Variants in ALPK2 observed in about 807,000 individuals in gnomAD.
ALPK2 encodes alpha-protein kinase 2.
ALPK2 carries 127 observed loss-of-function variants against 163.1 expected under a neutral mutation model. The observed-to-expected ratio is 0.78, with a 90% CI of 0.67 to 0.90. ALPK2 has a LOEUF of 0.90. Ranked by LOEUF, ALPK2 falls within the 40% of genes least tolerant of loss-of-function variation. The pLI, the probability that ALPK2 is intolerant of heterozygous loss-of-function variation, is 0.00. For missense variants in ALPK2, 2,360 were observed against 2,589.6 expected (o/e 0.91, Z 1.92); for synonymous variants, 953 against 959.1 (o/e 0.99, Z 0.12).
In ALPK2 at chr18:58,549,376, G is replaced by T. The variant is rs188236600; in HGVS notation, c.1963-11152C>A. Among the ~76,000 whole-genome samples the T allele has an allele frequency of 4.5e-3, 684 of 152,316 alleles. 4 individuals carry two copies. The highest frequency in any genetic ancestry group is 0.015 in the African/African-American group (631 of 41,580). ...TGCAGATTACACCAGAAATTCAGGG[G>T]CCCCTTTGGATGGATCCATCGAAAC... On this transcript the variant is annotated intron_variant, in intron 4 of 12. Coordinates refer to ENST00000361673, the MANE Select transcript of ALPK2 (RefSeq NM_052947.4).
At chr18:58,607,750 G>A (rs1425338014) in intron 2 of ALPK2, among the ~76,000 whole-genome samples, 2 of 152,146 alleles carry the variant, frequency 1.3e-5, no homozygotes, top group Non-Finnish European at 2.9e-5. Flanking sequence ...ATAAGGCAAA[G>A]ATATGAATAG....
intron 4 of ALPK2, among the ~76,000 whole-genome samples, chr18:58,574,415 G>C (rs1331178968): frequency 1.4e-5 from 2 of 147,078 alleles, no homozygotes; most frequent in Admixed American, 1.4e-4. Flanking sequence ...TGCCAGTCTG[G>C]GCAACAGAGT....
intron 11 of ALPK2, among the ~76,000 whole-genome samples, chr18:58,499,718 C>T (rs9951388): frequency 6.6e-6 from 1 of 152,250 alleles, no homozygotes. Flanking sequence ...GCCTCCTGTG[C>T]TCTTGCCCCT....
chr18:58,522,635 C>A (rs1274326889), intron 8 of ALPK2, among the ~76,000 whole-genome samples: 1 of 152,218 alleles, frequency 6.6e-6, no homozygotes, highest in East Asian at 1.9e-4. Flanking sequence ...CTTTGGGAAT[C>A]TGCTCAGCTA....
In ALPK2 at chr18:58,607,233, G is replaced by A. The variant is rs2052102573; in HGVS notation, c.227+89C>T. The A allele has an allele frequency of 2.4e-5, 21 of 864,716 alleles. 1 individual carries two copies. In the South Asian group the frequency reaches 4.8e-4, roughly 20 times the overall value. The allele number at this position is 864,716 out of a possible 1,614,324, so 53.6% of individuals were successfully genotyped here. ...ATTATGACTCTAGAAGCAAATATGA[G>A]CCAATCTTTTGGCCTTACCTCATAG... is the stretch of plus-strand genomic sequence containing the variant. On this transcript the variant is annotated intron_variant, in intron 3 of 12. Transcript: ENST00000361673.
chr18:58,594,840 G>T (rs937183431), intron 3 of ALPK2, among the ~76,000 whole-genome samples: 1 of 152,094 alleles, frequency 6.6e-6, no homozygotes, highest in Non-Finnish European at 1.5e-5. Flanking sequence ...CTGCAGGACC[G>T]TCCTGGGTGG....
chr18:58,497,987 T>C lies in ALPK2; in HGVS notation c.6296+62A>G, dbSNP rs1486496646. ...TTGCCCACCTCAGCCTGACAGTGTC[T>C]GCCTGGAAGGTGTCTGTAAGCCCAG... On this transcript the variant is annotated intron_variant, in intron 12 of 12. Coordinates refer to ENST00000361673, the MANE Select transcript of ALPK2 (RefSeq NM_052947.4). 7 of 1,497,810 alleles carry C rather than the reference T, an allele frequency of 4.7e-6. No homozygotes were observed. In the Admixed American group the frequency reaches 6.7e-5, roughly 14 times the overall value. The allele number at this position is 1,497,810 out of a possible 1,614,324, so 92.8% of individuals were successfully genotyped here. A position where few individuals can be genotyped will look rare whatever the true frequency, so the allele number is the denominator to read the frequency against.
At chr18:58,546,200 A>C (rs1602211314) in intron 4 of ALPK2, among the ~76,000 whole-genome samples, 1 of 152,278 alleles carries the variant, frequency 6.6e-6, no homozygotes, top group East Asian at 1.9e-4. Flanking sequence ...GATCCTAAAC[A>C]CCCCTATATC....
intron 12 of ALPK2, among the ~76,000 whole-genome samples, chr18:58,486,432 C>T (rs1027281561): frequency 5.3e-5 from 8 of 152,164 alleles, no homozygotes; most frequent in Non-Finnish European, 4.4e-5. Context: ...GGTGTATGCG[C>T]CCCATCTTCT....
intron 10 of ALPK2, among the ~76,000 whole-genome samples, chr18:58,513,725 T>C (rs929307248): frequency 6.6e-6 from 1 of 152,062 alleles, no homozygotes; most frequent in African/African-American, 2.4e-5. Flanking sequence ...AGAAAATTTT[T>C]TTTAATTAGC....
intron 3 of ALPK2, among the ~76,000 whole-genome samples, chr18:58,606,915 C>T (rs2052101302): frequency 6.6e-6 from 1 of 152,200 alleles, no homozygotes; most frequent in African/African-American, 2.4e-5. Context: ...CTGAACTCCA[C>T]CACCAAGGTG....
intron 1 of ALPK2, among the ~76,000 whole-genome samples, chr18:58,612,133 TG>T (rs148110400): frequency 0.014 from 2,128 of 152,102 alleles, 46 homozygotes; most frequent in African/African-American, 0.049. Context: ...TGCAGGGGAA[TG>T]GGGGGGTGCC....
At chr18:58,578,749 C>CACACAA in intron 4 of ALPK2, 65 bp downstream of exon 4, 1 of 1,370,824 alleles carries the variant, frequency 7.3e-7, no homozygotes, top group African/African-American at 1.5e-5. Context: ...CACACACACA[C>CACACAA]ACACACACAC....
intron 3 of ALPK2, among the ~76,000 whole-genome samples, chr18:58,602,706 A>T (rs1450579060): frequency 1.3e-5 from 2 of 152,186 alleles, no homozygotes; most frequent in Non-Finnish European, 2.9e-5. Flanking sequence ...GCTGAGACCT[A>T]CTGGGCTGCA....
At chr18:58,596,211 G>T (rs529361071) in intron 3 of ALPK2, among the ~76,000 whole-genome samples, 1 of 152,334 alleles carries the variant, frequency 6.6e-6, no homozygotes, top group African/African-American at 2.4e-5. Context: ...TGTAGTCAGG[G>T]AAGAAGCCCG....
Position 58,481,704 on chromosome 18 carries a change from T to C in ALPK2, c.*119A>G. On this transcript the variant is annotated 3_prime_UTR_variant, in exon 13 of 13. Coordinates refer to ENST00000361673, the MANE Select transcript of ALPK2 (RefSeq NM_052947.4). Reference sequence around the variant, plus strand: ...AGAAGCATCTTGGCGCACAGTCGGCTGGGAGTAAGGATTGCCACGCACTCT... The same window carrying C: ...AGAAGCATCTTGGCGCACAGTCGGCCGGGAGTAAGGATTGCCACGCACTCT... The C allele has an allele frequency of 1.3e-6, 1 of 776,490 alleles. No homozygotes were observed. Among genetic ancestry groups the C allele is most frequent in the Non-Finnish European group, 2.2e-6 (1 of 464,354 alleles). The allele number at this position is 776,490 out of a possible 1,614,324, so 48.1% of individuals were successfully genotyped here. A position where few individuals can be genotyped will look rare whatever the true frequency, so the allele number is the denominator to read the frequency against.
At position 58,606,789 on chromosome 18, in the gene ALPK2, T is replaced by C. The variant is rs150605743; in HGVS notation, c.227+533A>G. 5.2e-3 allele frequency among the ~76,000 whole-genome samples: 797 copies of C among 152,252 alleles called. 6 individuals are homozygous for C. Among genetic ancestry groups the C allele is most frequent in the African/African-American group, 0.018 (732 of 41,550 alleles). On this transcript the variant is annotated intron_variant, in intron 3 of 12. Coordinates refer to ENST00000361673, the MANE Select transcript of ALPK2 (RefSeq NM_052947.4). ...GTTCTCATTTTCTCTCCTTTACTTA[T>C]TGAGTTTCCTGGTTTTATCCAAACA...
intron 3 of ALPK2, among the ~76,000 whole-genome samples, chr18:58,602,248 C>G (rs893945926): frequency 6.6e-5 from 10 of 152,174 alleles, no homozygotes; most frequent in African/African-American, 1.9e-4. Flanking sequence ...CTGGCCAGTG[C>G]TTATGTCCAG....
chr18:58,572,504 T>A (rs1050550553), intron 4 of ALPK2, among the ~76,000 whole-genome samples: 4 of 152,202 alleles, frequency 2.6e-5, no homozygotes, highest in African/African-American at 9.6e-5. Flanking sequence ...CTTCAACCAG[T>A]GAAAGACTAA....
Sources: gnomAD v4.1 joint callset for allele counts (sites outside exome capture counted in the v4.1 genomes callset) on GRCh38, gnomAD v4.1.1 for gene constraint, MANE v1.5 for transcripts, NCBI Gene and HGNC (gene_info 2026-07-23, HGNC 2026-07-21) for gene names.